The following SULT6B1 variants were observed in gnomAD, a reference collection of about 807,000 sequenced individuals.
SULT6B1 encodes sulfotransferase family 6B member 1, also known as sulfotransferase 6B1.
A neutral mutation model predicts 37.2 loss-of-function variants in SULT6B1; 44 were observed. The ratio of observed to expected loss-of-function variants is 1.18; its 90% confidence interval spans 0.93 to 1.52. The LOEUF is 1.52. Ranked by LOEUF, SULT6B1 falls within the 40% of genes most tolerant of loss-of-function variation. The pLI, the probability that SULT6B1 is intolerant of heterozygous loss-of-function variation, is 0.00. For synonymous variants in SULT6B1, 140 were observed against 126.0 expected, an observed-to-expected ratio of 1.11 and a Z score of -0.74; for missense variants, 450 against 361.0, an observed-to-expected ratio of 1.25 and a Z score of -2.00.
intron 2 of SULT6B1, among the ~76,000 whole-genome samples, chr2:37,186,394 T>G (rs895064177): frequency 1.3e-5 from 2 of 152,156 alleles, no homozygotes; most frequent in Non-Finnish European, 2.9e-5. Context: ...ATCCTCCCAC[T>G]CCTTTCTTGC....
rs112329787 is a variant in SULT6B1 at position 37,168,217 on chromosome 2, T to C, written c.782-152A>G. ...TTTATTTAGTTTTTTTCAGACGGTG[T>C]CTCGCTCTGTTGCCCAGGCTGGAGT... On this transcript the variant is annotated intron_variant, in intron 6 of 6. Coordinates refer to ENST00000535679, the MANE Select transcript of SULT6B1 (RefSeq NM_001367551.1). 3,860 of 725,254 alleles carry C rather than the reference T, an allele frequency of 5.3e-3. 94 individuals are homozygous for C. In the African/African-American group the frequency reaches 0.056, roughly 11 times the overall value. 44.9% of individuals were successfully genotyped at this position (725,254 alleles called of 1,614,324 possible). A position where few individuals can be genotyped will look rare whatever the true frequency, so the allele number is the denominator to read the frequency against.
chr2:37,176,175 G>C lies in SULT6B1; in HGVS notation c.530-949C>G, dbSNP rs571701086. Reference sequence around the variant, plus strand: ...TCCTTGTACCTTAGATTCCTCAACTGTAAAATGGGGCGTTATGAGGTTTAA... The same window carrying C: ...TCCTTGTACCTTAGATTCCTCAACTCTAAAATGGGGCGTTATGAGGTTTAA... On this transcript the variant is annotated intron_variant, in intron 4 of 6. Transcript: ENST00000535679. Among the ~76,000 whole-genome samples, 14 of 150,342 alleles carry C rather than the reference G, an allele frequency of 9.3e-5. No individual in the cohort carries two copies. In the South Asian group the frequency reaches 2.8e-3, roughly 30 times the overall value.
intron 4 of SULT6B1, among the ~76,000 whole-genome samples, chr2:37,178,285 T>G (rs1676473894): frequency 6.6e-6 from 1 of 152,198 alleles, no homozygotes; most frequent in Non-Finnish European, 1.5e-5. Flanking sequence ...TCACCCAGGC[T>G]GGAGTGCAGT....
intron 6 of SULT6B1, among the ~76,000 whole-genome samples, chr2:37,168,606 C>A (rs1676231682): frequency 6.6e-6 from 1 of 152,284 alleles, no homozygotes; most frequent in East Asian, 1.9e-4. Flanking sequence ...TAACCCTATT[C>A]CTCTCCAAAC....
At chr2:37,168,698 G>A (rs1676233626) in intron 6 of SULT6B1, among the ~76,000 whole-genome samples, 1 of 152,110 alleles carries the variant, frequency 6.6e-6, no homozygotes, top group Non-Finnish European at 1.5e-5. Context: ...CCCTTTGAAA[G>A]TTAACATTTT....
upstream of SULT6B1, among the ~76,000 whole-genome samples, chr2:37,192,369 C>A (rs114704309): frequency 2.4e-4 from 37 of 152,112 alleles, no homozygotes; most frequent in African/African-American, 8.2e-4. Context: ...AAAGAACTGA[C>A]CAGAGAGGGT....
At chr2:37,177,179 G>C (rs1676448554) in intron 4 of SULT6B1, among the ~76,000 whole-genome samples, 1 of 151,990 alleles carries the variant, frequency 6.6e-6, no homozygotes, top group Non-Finnish European at 1.5e-5. Context: ...AACACGGAGG[G>C]AGGACATTAT....
Position 37,182,972 on chromosome 2 carries a change from G to C in SULT6B1, c.402+453C>G, listed in dbSNP as rs183909622. 3.1e-4 allele frequency among the ~76,000 whole-genome samples: 47 copies of C among 152,272 alleles called. No individual in the cohort carries two copies. The East Asian group carries it at 4.1e-3, about 13-fold the overall frequency. On this transcript the variant is annotated intron_variant, in intron 3 of 6. Transcript: ENST00000535679. ...CTTGGTGGCAGAAGGATCTCTTGAA[G>C]TCAGGAGTTCGAGACCAGCCTGGGC... is the stretch of plus-strand genomic sequence containing the variant.
intron 5 of SULT6B1, among the ~76,000 whole-genome samples, chr2:37,172,241 G>C (rs1055013863): frequency 6.6e-6 from 1 of 151,916 alleles, no homozygotes; most frequent in Admixed American, 6.6e-5. Context: ...GTAGAGACAG[G>C]GTTTCGCCAT....
rs1432628310 is a variant in SULT6B1, at chr2:37,168,054, C to G, written c.793G>C (p.Asp265His). ...ATTTCACTGAACAAATTTTTCCAAT[C>G]ACCAACTTCACCTACAACACACAAA... ...PFLFRKGEVG[D>H]WKNLFSEIQN... Residue 265 changes from aspartate (D) to histidine (H), a missense_variant, in exon 7 of 7, where the codon GAT becomes CAT. Coordinates refer to ENST00000535679, the MANE Select transcript of SULT6B1 (RefSeq NM_001367551.1). 56 of 1,591,208 alleles carry G rather than the reference C, an allele frequency of 3.5e-5. No individual in the cohort carries two copies. The highest frequency in any genetic ancestry group is 4.6e-5 in the Non-Finnish European group (54 of 1,174,190).
At chr2:37,185,260 C>T (rs965749618) in intron 2 of SULT6B1, among the ~76,000 whole-genome samples, 2 of 152,080 alleles carry the variant, frequency 1.3e-5, no homozygotes, top group African/African-American at 4.8e-5. Flanking sequence ...AATTAGATAG[C>T]TACATAATAT....
At chr2:37,168,190 T>A (rs552734327) in intron 6 of SULT6B1, 125 bp from the exon 7 acceptor site, 6 of 973,512 alleles carry the variant, frequency 6.2e-6, no homozygotes, top group Non-Finnish European at 8.6e-6. Context: ...AGCTTTACAC[T>A]CTTTATTTAG....
In SULT6B1 at chr2:37,188,443, G is replaced by A. The variant is rs769158962; in HGVS notation, c.198C>T (p.Cys66=). The A allele has an allele frequency of 1.7e-5, 28 of 1,611,932 alleles. No homozygotes were observed. Among genetic ancestry groups the A allele is most frequent in the East Asian group, 1.1e-4 (5 of 44,864 alleles). ...TGTAGGAAACGACTTGTCATTTACC[G>A]CACTTTGGATAAGATGCTAGCACGA... ...DDIVLASYPK[C]GSNWILHIVS... is the part of the protein sequence containing the mutation. Residue 66 remains cysteine, a splice_region_variant and synonymous_variant, in exon 1 of 7, where the codon TGC becomes TGT. Coordinates refer to ENST00000535679, the MANE Select transcript of SULT6B1 (RefSeq NM_001367551.1).
intron 1 of SULT6B1, among the ~76,000 whole-genome samples, 172 bp from the exon 2 acceptor site, chr2:37,187,639 G>GA (rs1004375825): frequency 6.6e-6 from 1 of 152,180 alleles, no homozygotes; most frequent in Non-Finnish European, 1.5e-5. Context: ...TGGTTTGATT[G>GA]AAAACAGCAT....
upstream of SULT6B1, among the ~76,000 whole-genome samples, chr2:37,192,362 G>C (rs150299629): frequency 2.5e-4 from 38 of 152,318 alleles, 1 homozygote; most frequent in South Asian, 7.7e-3. Flanking sequence ...AGAGGGGAAA[G>C]AACTGACCAG....
At chr2:37,187,543 A>G (rs1329384216) in intron 1 of SULT6B1, 76 bp from the exon 2 acceptor site, 6 of 817,316 alleles carry the variant, frequency 7.3e-6, no homozygotes, top group South Asian at 4.2e-5. Context: ...TAGCATATAC[A>G]TGATAAAAAT....
Position 37,171,464 on chromosome 2 carries a change from C to A in SULT6B1, c.751G>T (p.Gly251Cys). The stretch of plus-strand genomic sequence containing the variant: ...CGGAAAAGGAATGGGCCGACAGCAC[C>A]GTGTGTGTCCTGAGACTTCGCACGC... ...AMRAKSQDTH[G>C]AVGPFLFRKG... The change falls in exon 6 of 7, where the codon GGT becomes TGT. Residue 251 changes from glycine (G) to cysteine (C), a missense_variant. By Grantham distance (159) the Gly-to-Cys change is radical. Coordinates refer to ENST00000535679, the MANE Select transcript of SULT6B1 (RefSeq NM_001367551.1). 1 of 1,613,924 alleles carries A rather than the reference C, an allele frequency of 6.2e-7. No individual in the cohort carries two copies. Among genetic ancestry groups the A allele is most frequent in the Non-Finnish European group, 8.5e-7 (1 of 1,179,924 alleles).
At position 37,175,194 on chromosome 2, in the gene SULT6B1, T is replaced by C. The variant is rs1323468325; in HGVS notation, c.562A>G (p.Asn188Asp). ...TCGCCATCAAGATGTTTGTTCCAAT[T>C]GATTGCAAAATCAAAATACCTTCCC... ...SWGRYFDFAI[N>D]WNKHLDGDNV... Residue 188 changes from asparagine (N) to aspartate (D), a missense_variant, in exon 5 of 7, where the codon AAT (asparagine) becomes GAT (aspartate). Physicochemically the swap from Asn to Asp is conservative, Grantham distance 23. Transcript: ENST00000535679. 6.3e-7 allele frequency: 1 copy of C among 1,591,518 alleles called. No individual in the cohort carries two copies. Among genetic ancestry groups the C allele is most frequent in the Non-Finnish European group, 8.6e-7 (1 of 1,168,056 alleles).
rs982518535 is a variant in SULT6B1 at position 37,168,119 on chromosome 2, G to C, written c.782-54C>G. On this transcript the variant is annotated intron_variant, in intron 6 of 6. Transcript: ENST00000535679. Reference sequence around the variant, plus strand: ...GATATCTGTTAGAATATTTCTTCATGATTTTACCATTTTCAGTGCAATATT... The same window carrying C: ...GATATCTGTTAGAATATTTCTTCATCATTTTACCATTTTCAGTGCAATATT... The C allele has an allele frequency of 1.7e-5, 25 of 1,485,338 alleles. No homozygotes were observed. In the Admixed American group the frequency reaches 1.8e-4, roughly 11 times the overall value. The allele number at this position is 1,485,338 out of a possible 1,614,324, so 92.0% of individuals were successfully genotyped here.
Sources: gnomAD v4.1 joint callset for allele counts (sites outside exome capture counted in the v4.1 genomes callset) on GRCh38, gnomAD v4.1.1 for gene constraint, MANE v1.5 for transcripts, NCBI Gene and HGNC (gene_info 2026-07-23, HGNC 2026-07-21) for gene names.